Variants in TSNARE1 observed in about 807,000 individuals in gnomAD.
TSNARE1 encodes t-SNARE domain-containing protein 1.
In TSNARE1, 49 loss-of-function variants were observed where a neutral mutation model predicts 62.0. The ratio of observed to expected loss-of-function variants is 0.79; its 90% CI spans 0.63 to 1.00. The LOEUF (loss-of-function observed/expected upper bound fraction) is 1.00, where lower values mean the gene tolerates loss of function less well. Ranked by LOEUF, TSNARE1 falls within the 50% of genes least tolerant of loss-of-function variation. The pLI is 0.00. For synonymous variants in TSNARE1, 328 were observed against 294.4 expected (o/e 1.11, Z -1.17); for missense variants, 755 against 700.1 (o/e 1.08, Z -0.88).
chr8:142,327,599 C>T lies in TSNARE1; in HGVS notation c.893+3302G>A, dbSNP rs1017267360. ...CGGGAGGTCAGCTCTTCACACCCTG[C>T]TGGCCACCCCTCTGCCACAGGGACT... On this transcript the variant is annotated intron_variant, in intron 6 of 13. Coordinates refer to ENST00000524325, the MANE Select transcript of TSNARE1 (RefSeq NM_145003.5). 2.0e-5 allele frequency among the ~76,000 whole-genome samples: 3 copies of T among 152,250 alleles called. No individual in the cohort carries two copies. In the South Asian group the frequency reaches 6.2e-4, roughly 31 times the overall value.
At chr8:142,387,557 C>T (rs80257417) in intron 1 of TSNARE1, among the ~76,000 whole-genome samples, 2 of 151,722 alleles carry the variant, frequency 1.3e-5, no homozygotes, top group South Asian at 2.1e-4. Context: ...GAGAAGCAAC[C>T]GAGACGGAAA....
intron 4 of TSNARE1, among the ~76,000 whole-genome samples, chr8:142,334,055 G>C (rs1831428064): frequency 6.6e-6 from 1 of 152,260 alleles, no homozygotes; most frequent in South Asian, 2.1e-4. Context: ...TGTACATCTT[G>C]AGCTATGACA....
intron 13 of TSNARE1, among the ~76,000 whole-genome samples, chr8:142,213,764 G>A (rs900557481): frequency 6.6e-6 from 1 of 152,188 alleles, no homozygotes; most frequent in Non-Finnish European, 1.5e-5. Flanking sequence ...GGCCAGTGAG[G>A]GGCCTCTTGG....
intron 9 of TSNARE1, among the ~76,000 whole-genome samples, chr8:142,313,028 C>A (rs1272140572): frequency 6.6e-6 from 1 of 152,174 alleles, no homozygotes; most frequent in South Asian, 2.1e-4. Flanking sequence ...GGGTGTCTAT[C>A]TGCATGTGTC....
At chr8:142,313,136 G>C (rs533949996) in intron 9 of TSNARE1, among the ~76,000 whole-genome samples, 1 of 151,914 alleles carries the variant, frequency 6.6e-6, no homozygotes, top group African/African-American at 2.4e-5. Context: ...GCATTTATCT[G>C]CATGTGTGTC....
At chr8:142,253,066 G>T (rs1424920605) in intron 12 of TSNARE1, among the ~76,000 whole-genome samples, 2 of 152,228 alleles carry the variant, frequency 1.3e-5, no homozygotes, top group Non-Finnish European at 2.9e-5. Flanking sequence ...TCACAGACTG[G>T]ATGTGCCCAC....
chr8:142,280,355 C>G (rs1821215524), intron 11 of TSNARE1: 5 of 982,940 alleles, frequency 5.1e-6, no homozygotes, highest in Non-Finnish European at 6.0e-6. Context: ...GAGCAGGGGG[C>G]AGAGACCCTG....
intron 13 of TSNARE1, among the ~76,000 whole-genome samples, chr8:142,224,837 G>A (rs1816699235): frequency 6.6e-6 from 1 of 152,162 alleles, no homozygotes; most frequent in South Asian, 2.1e-4. Context: ...AGTCTTGGTG[G>A]GTCTGGGCAG....
intron 12 of TSNARE1, among the ~76,000 whole-genome samples, chr8:142,255,962 CCACCAT>C (rs1265009923): frequency 4.5e-5 from 5 of 111,138 alleles, no homozygotes; most frequent in African/African-American, 1.2e-4. Flanking sequence ...ACCATCACCA[CCACCAT>C]CACCATCACC....
At chr8:142,399,769 G>A (rs529029112) in intron 1 of TSNARE1, among the ~76,000 whole-genome samples, 2 of 152,312 alleles carry the variant, frequency 1.3e-5, no homozygotes, top group South Asian at 2.1e-4. Flanking sequence ...TACTATGGAC[G>A]ATGCACAAAT....
chr8:142,301,024 C>T (rs1825662012), intron 9 of TSNARE1, among the ~76,000 whole-genome samples: 1 of 82,276 alleles, frequency 1.2e-5, no homozygotes. Context: ...ACTGAAAACG[C>T]GACAACAGCG....
At chr8:142,276,032 C>G (rs1345696609) in intron 11 of TSNARE1, 15 of 985,338 alleles carry the variant, frequency 1.5e-5, no homozygotes, top group Admixed American at 6.1e-5. Flanking sequence ...TCACAGGGAT[C>G]CTTGAACCCT....
chr8:142,379,132 C>T (rs1005477451), intron 1 of TSNARE1, among the ~76,000 whole-genome samples: 1 of 152,220 alleles, frequency 6.6e-6, no homozygotes, highest in African/African-American at 2.4e-5. Context: ...TCACACATGT[C>T]CTCCCACCCC....
chr8:142,260,979 A>C (rs1222121500), intron 12 of TSNARE1, among the ~76,000 whole-genome samples: 2 of 1,290 alleles, frequency 1.6e-3, no homozygotes, highest in East Asian at 0.016. Context: ...GGAGGGAGGG[A>C]GGGAGGAGAG....
intron 1 of TSNARE1, among the ~76,000 whole-genome samples, chr8:142,390,076 G>C (rs1457922471): frequency 6.6e-6 from 1 of 152,238 alleles, no homozygotes; most frequent in Non-Finnish European, 1.5e-5. Context: ...CATAGAAAAG[G>C]TACGGCAGAA....
At chr8:142,330,993 G>C (rs1480748634) in intron 5 of TSNARE1, 23 bp from the exon 6 acceptor site, 3 of 1,611,826 alleles carry the variant, frequency 1.9e-6, no homozygotes, top group Non-Finnish European at 2.5e-6. Flanking sequence ...AGAGGGACAG[G>C]GTGAGGGCAG....
chr8:142,275,258 G>A, intron 11 of TSNARE1: 1 of 985,468 alleles, frequency 1.0e-6, no homozygotes, highest in African/African-American at 1.7e-5. Flanking sequence ...CAAAGCCCCT[G>A]CCTTAACGTC....
intron 12 of TSNARE1, among the ~76,000 whole-genome samples, chr8:142,255,947 T>C (rs62650732): frequency 0.01 from 66 of 6,574 alleles, no homozygotes; most frequent in African/African-American, 0.022. Context: ...ATCACCACCA[T>C]CATCACCATC....
chr8:142,344,446 G>A lies in TSNARE1; in HGVS notation c.265C>T (p.Arg89Trp), dbSNP rs747094810. The A allele has an allele frequency of 1.5e-5, 24 of 1,576,236 alleles. No homozygotes were observed. Among genetic ancestry groups the A allele is most frequent in the Middle Eastern group, 1.7e-4 (1 of 5,896 alleles). ...RGPGVAPEGS[R>W]MPEPTSSPTI... ...GGTGATGAGGTGGGCTCCGGCATCC[G>A]GCTGCCTTCAGGGGCAACCCCAGGC... is the stretch of plus-strand genomic sequence containing the variant. The change falls in exon 4 of 14, where the codon CGG becomes TGG. Residue 89 changes from arginine to tryptophan, a missense_variant. By Grantham distance (101) the Arg-to-Trp change is moderately radical. Coordinates refer to ENST00000524325, the MANE Select transcript of TSNARE1 (RefSeq NM_145003.5).
Sources: gnomAD v4.1 joint callset for allele counts (sites outside exome capture counted in the v4.1 genomes callset) on GRCh38, gnomAD v4.1.1 for gene constraint, MANE v1.5 for transcripts, NCBI Gene and HGNC (gene_info 2026-07-23, HGNC 2026-07-21) for gene names.